DHRSX: variants seen among roughly 807,000 people sequenced by gnomAD.
The protein encoded by DHRSX is polyprenol dehydrogenase.
A neutral mutation model predicts 34.0 loss-of-function variants in DHRSX; 31 were observed. The observed-to-expected ratio is 0.91, with a 90% CI of 0.69 to 1.23. The LOEUF (loss-of-function observed/expected upper bound fraction) is 1.23, where lower values mean the gene tolerates loss of function less well. DHRSX is among the 50% of genes most tolerant of loss of function. DHRSX has a pLI of 0.00. For synonymous variants in DHRSX, 201 were observed against 183.8 expected (o/e 1.09, Z -0.76); for missense variants, 414 against 428.1 (o/e 0.97, Z 0.29).
intron 5 of DHRSX, among the ~76,000 whole-genome samples, chrX:2,262,316 C>T (rs2041374222): frequency 6.6e-6 from 1 of 152,160 alleles, no homozygotes; most frequent in Non-Finnish European, 1.5e-5. Flanking sequence ...CAGGAAATGC[C>T]CCAGCCAGCA....
intron 3 of DHRSX, among the ~76,000 whole-genome samples, chrX:2,311,034 C>T (rs1283799584): frequency 7.0e-6 from 1 of 142,450 alleles, no homozygotes; most frequent in African/African-American, 2.6e-5. Flanking sequence ...GCACCCCAGA[C>T]TGAATGAGAA....
chrX:2,326,809 CT>C (rs776129131), intron 3 of DHRSX, among the ~76,000 whole-genome samples: 57,909 of 144,490 alleles, frequency 0.4, 13,076 homozygotes, highest in Non-Finnish European at 0.54. Context: ...TTCAGTTTTT[CT>C]TTTTTTTTTT....
chrX:2,402,948 T>A (rs2043505770), intron 3 of DHRSX, among the ~76,000 whole-genome samples: 1 of 143,176 alleles, frequency 7.0e-6, no homozygotes, highest in African/African-American at 2.6e-5. Flanking sequence ...GGTGGCACAA[T>A]CTCAGCTCAC....
At chrX:2,343,172 C>T (rs929101870) in intron 3 of DHRSX, among the ~76,000 whole-genome samples, 1 of 152,168 alleles carries the variant, frequency 6.6e-6, no homozygotes, top group Non-Finnish European at 1.5e-5. Flanking sequence ...CCCTCACATA[C>T]AAACATTCTG....
chrX:2,223,647 G>A (rs189229574), intron 6 of DHRSX, among the ~76,000 whole-genome samples: 2 of 152,226 alleles, frequency 1.3e-5, no homozygotes, highest in African/African-American at 4.8e-5. Context: ...GGAAGGCAGG[G>A]GCCAAGTGAA....
intron 1 of DHRSX, among the ~76,000 whole-genome samples, chrX:2,432,150 C>T (rs1219200729): frequency 5.3e-5 from 8 of 151,802 alleles, no homozygotes; most frequent in Non-Finnish European, 1.0e-4. Context: ...GCTGAGATCA[C>T]GCCAGTGCAC....
intron 3 of DHRSX, among the ~76,000 whole-genome samples, chrX:2,398,668 T>TC (rs2043443802): frequency 8.0e-6 from 1 of 125,742 alleles, no homozygotes; most frequent in Non-Finnish European, 1.6e-5. Flanking sequence ...AAATGCATAT[T>TC]CCTTTTTTTT....
chrX:2,291,848 G>A (rs1376985741), intron 3 of DHRSX, among the ~76,000 whole-genome samples: 23 of 151,414 alleles, frequency 1.5e-4, no homozygotes, highest in Admixed American at 1.1e-3. Context: ...CAGGTAGCTG[G>A]GATTACAGGC....
chrX:2,391,739 A>AAC (rs2043337914), intron 3 of DHRSX, among the ~76,000 whole-genome samples: 1 of 152,112 alleles, frequency 6.6e-6, no homozygotes. Context: ...CAGCCTGACC[A>AAC]ACATGGTGAA....
chrX:2,258,788 G>GT (rs1235128089), intron 5 of DHRSX, among the ~76,000 whole-genome samples: 2 of 152,236 alleles, frequency 1.3e-5, no homozygotes, highest in African/African-American at 4.8e-5. Flanking sequence ...ACGAAGAACA[G>GT]TTTCCAGAAA....
chrX:2,357,517 CAA>C (rs1158396024), intron 3 of DHRSX, among the ~76,000 whole-genome samples: 1 of 151,758 alleles, frequency 6.6e-6, no homozygotes, highest in Admixed American at 6.6e-5. Context: ...AAGGGAGGAA[CAA>C]AAAGGACATC....
intron 3 of DHRSX, among the ~76,000 whole-genome samples, chrX:2,324,075 G>C (rs1347575955): frequency 7.2e-6 from 1 of 138,442 alleles, no homozygotes; most frequent in Non-Finnish European, 1.6e-5. Flanking sequence ...AAAAAAAAAA[G>C]ATTTTGCACA....
intron 6 of DHRSX, among the ~76,000 whole-genome samples, chrX:2,236,066 C>G (rs909634503): frequency 1.3e-5 from 2 of 151,814 alleles, no homozygotes; most frequent in South Asian, 2.1e-4. Context: ...GAGCTGAGAT[C>G]GCGCCATTGT....
At chrX:2,265,460 T>C (rs768557847) in intron 5 of DHRSX, among the ~76,000 whole-genome samples, 5 of 121,238 alleles carry the variant, frequency 4.1e-5, no homozygotes, top group Admixed American at 7.9e-5. Context: ...CAGGGAGCAC[T>C]GTCCCCAGAG....
At chrX:2,488,840 T>C (rs147878306) in intron 1 of DHRSX, 122 of 1,613,660 alleles carry the variant, frequency 7.6e-5, no homozygotes, top group Non-Finnish European at 9.9e-5. Context: ...GCTGACCACG[T>C]TGGCGGCGGA....
At chrX:2,413,550 G>GTAACTTGT in intron 2 of DHRSX, among the ~76,000 whole-genome samples, 1 of 152,222 alleles carries the variant, frequency 6.6e-6, no homozygotes, top group African/African-American at 2.4e-5. Flanking sequence ...ATAAAAATAT[G>GTAACTTGT]TAACTTGTTT....
chrX:2,356,987 T>C lies in DHRSX; in HGVS notation c.286+51758A>G, dbSNP rs28548895. Among the ~76,000 whole-genome samples the C allele has an allele frequency of 3.9e-3, 594 of 152,238 alleles. 2 individuals are homozygous for C. Among genetic ancestry groups the C allele is most frequent in the African/African-American group, 0.012 (500 of 41,544 alleles). On this transcript the variant is annotated intron_variant, in intron 3 of 6. Coordinates refer to ENST00000334651, the MANE Select transcript of DHRSX (RefSeq NM_145177.3). ...GGCCAGGCGTAGGGGCTCACATCTG[T>C]AATCCCAGCACTTTGGGAGGCCAAA...
intron 6 of DHRSX, among the ~76,000 whole-genome samples, chrX:2,242,660 G>A (rs1188715897): frequency 6.6e-6 from 1 of 152,132 alleles, no homozygotes; most frequent in East Asian, 1.9e-4. Context: ...ACCTCCGGCT[G>A]TCGTGACGGC....
chrX:2,434,118 A>G (rs905916351), intron 1 of DHRSX, among the ~76,000 whole-genome samples: 23 of 152,180 alleles, frequency 1.5e-4, no homozygotes, highest in Non-Finnish European at 3.1e-4. Context: ...CCCTCCACAA[A>G]TGGGTAAAGG....
Sources: gnomAD v4.1 joint callset for allele counts (sites outside exome capture counted in the v4.1 genomes callset) on GRCh38, gnomAD v4.1.1 for gene constraint, MANE v1.5 for transcripts, NCBI Gene and HGNC (gene_info 2026-07-23, HGNC 2026-07-21) for gene names.